The following PHACTR2 variants were observed in gnomAD, a reference collection of about 807,000 sequenced individuals.
PHACTR2 encodes phosphatase and actin regulator 2.
A neutral mutation model predicts 76.0 loss-of-function variants in PHACTR2; 30 were observed. The observed-to-expected ratio is 0.39, with a 90% CI of 0.30 to 0.54. The LOEUF (loss-of-function observed/expected upper bound fraction) is 0.54. PHACTR2 is among the 20% of genes least tolerant of loss of function. PHACTR2 has a pLI of 0.61. For synonymous variants in PHACTR2, 292 were observed against 292.5 expected (o/e 1.00, Z 0.02); for missense variants, 696 against 781.1 (o/e 0.89, Z 1.30).
chr6:143,604,114 A>C (rs958796647), upstream of PHACTR2, among the ~76,000 whole-genome samples: 11 of 145,578 alleles, frequency 7.6e-5, no homozygotes, highest in African/African-American at 2.2e-4. Context: ...AAAAAAAAAA[A>C]GAGAAAAGAA....
Position 143,772,688 on chromosome 6 carries a change from AGCTAGATGT to A in PHACTR2, c.1432+243_1432+251del, listed in dbSNP as rs1046102793. ...CTGGCCTTTGTCGATGAGCTAGATGAGCTAGATGTGCTAGATGTGCATATTAGTATTTGT... is the reference window on the plus strand; with the variant it reads ...CTGGCCTTTGTCGATGAGCTAGATGAGCTAGATGTGCATATTAGTATTTGT... On this transcript the variant is annotated intron_variant, in intron 7 of 12. Transcript: ENST00000440869. This position sits in a 1 kb window ranked among gnomAD's most constrained non-coding sequence, Gnocchi z 5.4. Among the ~76,000 whole-genome samples the A allele has an allele frequency of 1.9e-4, 29 of 152,210 alleles. 1 individual carries two copies. The highest frequency in any genetic ancestry group is 1.8e-3 in the Admixed American group (27 of 15,272).
chr6:143,621,323 G>A lies in PHACTR2; in HGVS notation c.13+13001G>A, dbSNP rs1413519653. Among the ~76,000 whole-genome samples the A allele has an allele frequency of 6.6e-6, 1 of 152,140 alleles. No individual in the cohort carries two copies. The highest frequency in any genetic ancestry group is 6.5e-5 in the Admixed American group (1 of 15,268). On this transcript the variant is annotated intron_variant, in intron 1 of 11. Coordinates refer to the PHACTR2 transcript ENST00000305766. This position sits in a 1 kb window ranked among gnomAD's most constrained non-coding sequence, Gnocchi z 4.1. Reference sequence around the variant, plus strand: ...AATTGACAACAAAGAAAACTCAGGAGGGCGCGAATGAGTTCCTGTGGATCC... The same window carrying A: ...AATTGACAACAAAGAAAACTCAGGAAGGCGCGAATGAGTTCCTGTGGATCC...
chr6:143,748,076 T>TC lies in PHACTR2; in HGVS notation c.215-909_215-908insC, dbSNP rs1347835607. Among the ~76,000 whole-genome samples the TC allele has an allele frequency of 5.9e-5, 9 of 152,196 alleles. No individual in the cohort carries two copies. The East Asian group carries it at 1.7e-3, about 29-fold the overall frequency. ...TGAAAACTGATTATTATTATTTTTT[T>TC]TTTTCTGAGATGGAGTTTCGCTCTT... On this transcript the variant is annotated intron_variant, in intron 2 of 12. Transcript: ENST00000440869.
In PHACTR2 at chr6:143,767,575, A is replaced by G. The variant is rs1443675164; in HGVS notation, c.1232+1777A>G. ...TAGAGTACCTGAGACTGGGTAATTT[A>G]TAATGATTAGAATATTGGCTTACAG... On this transcript the variant is annotated intron_variant, in intron 6 of 12. Coordinates refer to ENST00000440869, the MANE Select transcript of PHACTR2 (RefSeq NM_001100164.2). The surrounding 1 kb of genome is among the most constrained non-coding windows in gnomAD (Gnocchi z 4.4). Among the ~76,000 whole-genome samples, 1 of 152,194 alleles carries G rather than the reference A, an allele frequency of 6.6e-6. No individual in the cohort carries two copies. The highest frequency in any genetic ancestry group is 6.5e-5 in the Admixed American group (1 of 15,280).
At chr6:143,563,832 CAA>C (rs57687039) in intron 1 of PHACTR2, among the ~76,000 whole-genome samples, 1,559 of 145,218 alleles carry the variant, frequency 0.011, 33 homozygotes, top group African/African-American at 0.034. Context: ...CCTGTCTCTA[CAA>C]AAAAAAAAAA....
chr6:143,584,488 T>G (rs1775604679), intron 1 of PHACTR2, among the ~76,000 whole-genome samples: 1 of 152,176 alleles, frequency 6.6e-6, no homozygotes, highest in Non-Finnish European at 1.5e-5. Context: ...ACATTCCCTA[T>G]AGTCATGACA....
intron 1 of PHACTR2, among the ~76,000 whole-genome samples, chr6:143,693,384 C>T (rs576717541): frequency 8.6e-4 from 131 of 152,118 alleles, no homozygotes; most frequent in Non-Finnish European, 1.6e-3. Flanking sequence ...ACTACAGGCA[C>T]GCACCACCAC....
rs143775290 is a variant in PHACTR2 at position 143,753,949 on chromosome 6, A to G, written c.454+37A>G. On this transcript the variant is annotated intron_variant, in intron 4 of 12. Coordinates refer to ENST00000440869, the MANE Select transcript of PHACTR2 (RefSeq NM_001100164.2). The surrounding 1 kb of genome is among the most constrained non-coding windows in gnomAD (Gnocchi z 4.6). ...ACAAACCCATATTATTTACTTTAGTATATAGCTCAATGTCTAGAACCAGCA... is the reference window on the plus strand; with the variant it reads ...ACAAACCCATATTATTTACTTTAGTGTATAGCTCAATGTCTAGAACCAGCA... The G allele has an allele frequency of 4.4e-4, 649 of 1,460,952 alleles. 4 individuals carry two copies. The African/African-American group carries it at 8.2e-3, about 18-fold the overall frequency. The allele number at this position is 1,460,952 out of a possible 1,614,324, so 90.5% of individuals were successfully genotyped here.
rs1250259821 is a variant in PHACTR2 at position 143,648,379 on chromosome 6, C to T, written c.13+40057C>T. ...CGTTCATCATAGTTCTAAATAGATT[C>T]CTCAAAAGAATTAAATTCAAAGGGC... is the stretch of plus-strand genomic sequence containing the variant. On this transcript the variant is annotated intron_variant, in intron 1 of 11. Coordinates refer to the PHACTR2 transcript ENST00000305766. This position sits in a 1 kb window ranked among gnomAD's most constrained non-coding sequence, Gnocchi z 6.7. Among the ~76,000 whole-genome samples, 1 of 152,074 alleles carries T rather than the reference C, an allele frequency of 6.6e-6. No homozygotes were observed. The highest frequency in any genetic ancestry group is 1.5e-5 in the Non-Finnish European group (1 of 68,034).
At chr6:143,572,469 T>C (rs551356999) in intron 1 of PHACTR2, among the ~76,000 whole-genome samples, 2 of 152,376 alleles carry the variant, frequency 1.3e-5, no homozygotes, top group East Asian at 3.9e-4. Flanking sequence ...TTTGTGACTA[T>C]GTGTTTATTA....
At chr6:143,569,541 T>C (rs1218216327) in intron 1 of PHACTR2, among the ~76,000 whole-genome samples, 1 of 152,232 alleles carries the variant, frequency 6.6e-6, no homozygotes, top group Non-Finnish European at 1.5e-5. Flanking sequence ...CTTTCTTGTA[T>C]GTGGGGAGTA....
At chr6:143,675,181 T>C (rs958462873), upstream of PHACTR2, among the ~76,000 whole-genome samples, 1 of 152,250 alleles carries the variant, frequency 6.6e-6, no homozygotes, top group East Asian at 1.9e-4. The surrounding 1 kb of genome is among the most constrained non-coding windows in gnomAD (Gnocchi z 4.9). Context: ...TCACTTTCTT[T>C]AGTTTCTTTC....
chr6:143,826,303 C>T lies in PHACTR2; in HGVS notation c.*2614C>T, dbSNP rs554354932. 3.9e-5 allele frequency: 6 copies of T among 152,386 alleles called. No individual in the cohort carries two copies. Among genetic ancestry groups the T allele is most frequent in the East Asian group, 3.9e-4 (2 of 5,186 alleles). 9.4% of individuals were successfully genotyped at this position (152,386 alleles called of 1,614,324 possible). On this transcript the variant is annotated 3_prime_UTR_variant, in exon 13 of 13. Coordinates refer to ENST00000440869, the MANE Select transcript of PHACTR2 (RefSeq NM_001100164.2). Reference sequence around the variant, plus strand: ...GGATGCAGAGGTCTGGCCCACCCTCCGTGCATAGGCACCTCTGTCCACCAC... The same window carrying T: ...GGATGCAGAGGTCTGGCCCACCCTCTGTGCATAGGCACCTCTGTCCACCAC...
Position 143,758,456 on chromosome 6 carries a change from T to C in PHACTR2, c.455-1945T>C, listed in dbSNP as rs115641845. ...ACCATATGTCAGAAGACTGGGAAATTAATGTATATTTATATATTTTAAGTT... is the reference window on the plus strand; with the variant it reads ...ACCATATGTCAGAAGACTGGGAAATCAATGTATATTTATATATTTTAAGTT... On this transcript the variant is annotated intron_variant, in intron 4 of 12. Transcript: ENST00000440869. Among the ~76,000 whole-genome samples, 1,435 of 152,294 alleles carry C rather than the reference T, an allele frequency of 9.4e-3. 23 individuals are homozygous for C. Among genetic ancestry groups the C allele is most frequent in the African/African-American group, 0.032 (1,332 of 41,562 alleles).
rs929257476 is a variant in PHACTR2 at position 143,618,515 on chromosome 6, G to A, written c.13+10193G>A. On this transcript the variant is annotated intron_variant, in intron 1 of 11. Transcript: ENST00000305766. This position sits in a 1 kb window ranked among gnomAD's most constrained non-coding sequence, Gnocchi z 5.2. ...ATGGTCATGAGCGTCACTTGAGAAG[G>A]TGTCAGTGTCAGAGGGTTTTAAACT... is the stretch of plus-strand genomic sequence containing the variant. Among the ~76,000 whole-genome samples, 2 of 151,938 alleles carry A rather than the reference G, an allele frequency of 1.3e-5. No homozygotes were observed. The highest frequency in any genetic ancestry group is 2.1e-4 in the South Asian group (1 of 4,814).
Position 143,788,912 on chromosome 6 carries a change from C to T in PHACTR2, c.1845+2C>T. On this transcript the variant is annotated splice_donor_variant, in intron 11 of 12. Coordinates refer to ENST00000440869, the MANE Select transcript of PHACTR2 (RefSeq NM_001100164.2). LOFTEE classifies it low-confidence loss of function (GC_TO_GT_DONOR). ...GCCAGGTTAACACCTGCAGACAAGG[C>T]AAGAATCCCAGTGGATTTTGTGTTG... 5 of 1,607,520 alleles carry T rather than the reference C, an allele frequency of 3.1e-6. No individual in the cohort carries two copies. The highest frequency in any genetic ancestry group is 4.3e-6 in the Non-Finnish European group (5 of 1,174,624).
Position 143,777,489 on chromosome 6 carries a change from A to C in PHACTR2, c.1645+106A>C. 3 of 506,602 alleles carry C rather than the reference A, an allele frequency of 5.9e-6. No homozygotes were observed. Among genetic ancestry groups the C allele is most frequent in the Non-Finnish European group, 1.0e-5 (3 of 288,512 alleles). 31.4% of individuals were successfully genotyped at this position (506,602 alleles called of 1,614,324 possible). A position where few individuals can be genotyped will look rare whatever the true frequency, so the allele number is the denominator to read the frequency against. ...AAACCATCATATATTCATTTACTCAAGATGGACTGAAATAGTCCATTTATG... is the reference window on the plus strand; with the variant it reads ...AAACCATCATATATTCATTTACTCACGATGGACTGAAATAGTCCATTTATG... On this transcript the variant is annotated intron_variant, in intron 9 of 12. Transcript: ENST00000440869. This position sits in a 1 kb window ranked among gnomAD's most constrained non-coding sequence, Gnocchi z 4.6.
intron 1 of PHACTR2, among the ~76,000 whole-genome samples, chr6:143,669,061 G>A (rs1234735756): frequency 1.3e-5 from 2 of 152,122 alleles, no homozygotes; most frequent in Non-Finnish European, 2.9e-5. Context: ...AGAGATTCTG[G>A]TGTGTTGTGT....
At chr6:143,644,783 A>T (rs1229549619) in intron 1 of PHACTR2, among the ~76,000 whole-genome samples, 1 of 149,654 alleles carries the variant, frequency 6.7e-6, no homozygotes, top group African/African-American at 2.5e-5. Flanking sequence ...CCTTTTAAGT[A>T]ATGTTTATTT....
Sources: allele counts gnomAD v4.1 joint callset (sites outside exome capture counted in the v4.1 genomes callset), GRCh38; gene constraint gnomAD v4.1.1; non-coding constraint Gnocchi (gnomAD v3.1); transcripts MANE v1.5; gene names NCBI Gene and HGNC (gene_info 2026-07-23, HGNC 2026-07-21).